The following MORC2 variants were observed in gnomAD, a reference collection of about 807,000 sequenced individuals.
MORC2 encodes ATPase MORC2.
MORC2 carries 30 observed loss-of-function variants against 136.0 expected under a neutral mutation model. The ratio of observed to expected loss-of-function variants is 0.22; its 90% CI spans 0.17 to 0.30. The LOEUF (loss-of-function observed/expected upper bound fraction) is 0.30, where lower values mean the gene tolerates loss of function less well. Among genes scored for constraint, MORC2 ranks in the 10% least tolerant of loss-of-function variants. The probability of loss-of-function intolerance (pLI) is 1.00; values close to 1 mark genes in which losing one functional copy is unlikely to be tolerated. For synonymous variants in MORC2, 439 were observed against 487.0 expected (o/e 0.90, Z 1.30); for missense variants, 922 against 1,333.1 (o/e 0.69, Z 4.80).
At chr22:30,929,314 A>C (rs1001689307) in intron 24 of MORC2, among the ~76,000 whole-genome samples, 1 of 152,236 alleles carries the variant, frequency 6.6e-6, no homozygotes, top group Non-Finnish European at 1.5e-5. Context: ...TTGTTACATT[A>C]GTTTTTTTGA....
rs767798376 is a variant in MORC2 at position 30,937,610 on chromosome 22, T to C, written c.1471A>G (p.Met491Val). ...SELRYKRRRA[M>V]EIPTTIQCDL... ...CACTGGATGGTGGTGGGGATTTCCA[T>C]AGCTCTCCGGCGTTTGTAACGCAGC... Residue 491 changes from methionine (M) to valine (V), a missense_variant, in exon 15 of 26, where the codon ATG becomes GTG. Transcript: ENST00000397641. The surrounding 1 kb of genome is among the most constrained non-coding windows in gnomAD (Gnocchi z 4.7). 1.2e-6 allele frequency: 2 copies of C among 1,613,240 alleles called. No homozygotes were observed. The highest frequency in any genetic ancestry group is 1.7e-6 in the Non-Finnish European group (2 of 1,180,014).
chr22:30,948,539 T>C (rs2040849162), intron 5 of MORC2, among the ~76,000 whole-genome samples: 1 of 152,202 alleles, frequency 6.6e-6, no homozygotes, highest in South Asian at 2.1e-4. Context: ...CTTAACCTAC[T>C]TGGTATGCAT....
chr22:30,953,550 G>A (rs1001656025), intron 3 of MORC2, among the ~76,000 whole-genome samples: 1 of 152,216 alleles, frequency 6.6e-6, no homozygotes, highest in African/African-American at 2.4e-5. Context: ...GGTGTCCCCA[G>A]GAGAGGCTGC....
chr22:30,949,100 AAAGGTATGTACAGCTGGAAGTGAGCAT>A (rs2040855642), intron 5 of MORC2, among the ~76,000 whole-genome samples: 1 of 152,218 alleles, frequency 6.6e-6, no homozygotes. Flanking sequence ...TATTCCATCC[AAAGGTATGTACAGCTGGAAGTGAGCAT>A]TTCAGAAATA....
intron 9 of MORC2, 74 bp from the exon 10 acceptor site, chr22:30,940,911 C>G (rs2040734113): frequency 4.8e-6 from 6 of 1,239,152 alleles, no homozygotes; most frequent in Non-Finnish European, 7.2e-6. Flanking sequence ...ACAGGAAGCA[C>G]CCTGCCTTCC....
chr22:30,928,233 A>T lies in MORC2; in HGVS notation c.2842-26T>A, dbSNP rs778483468. 6 of 1,613,214 alleles carry T rather than the reference A, an allele frequency of 3.7e-6. No homozygotes were observed. In the East Asian group the frequency reaches 6.7e-5, roughly 18 times the overall value. ...CTGTTGGGAGCAGAGCAAGAGGGAG[A>T]GTGTGTAAGTTCACAGGGGTCCCCA... On this transcript the variant is annotated intron_variant, in intron 24 of 25. Coordinates refer to ENST00000397641, the MANE Select transcript of MORC2 (RefSeq NM_001303256.3).
In MORC2 at chr22:30,944,231, C is replaced by T. The variant is rs529590931; in HGVS notation, c.427-1960G>A. On this transcript the variant is annotated intron_variant, in intron 6 of 25. Transcript: ENST00000397641. ...CACCAAGTAAGGAAAAAATCTCAACCTAGCCTCTCCACCACGGGAACCGAG... is the reference window on the plus strand; with the variant it reads ...CACCAAGTAAGGAAAAAATCTCAACTTAGCCTCTCCACCACGGGAACCGAG... Among the ~76,000 whole-genome samples, 76 of 152,308 alleles carry T rather than the reference C, an allele frequency of 5.0e-4. 3 individuals carry two copies. The South Asian group carries it at 0.015, about 31-fold the overall frequency.
In MORC2 at chr22:30,942,287, G is replaced by C; in HGVS notation, c.427-16C>G. On this transcript the variant is annotated splice_polypyrimidine_tract_variant and intron_variant, in intron 6 of 25. Coordinates refer to ENST00000397641, the MANE Select transcript of MORC2 (RefSeq NM_001303256.3). ...GGACTATCACCTGTGGAGTAAACAT[G>C]AGCAGGCACTTTAAGGGAAGCCCCA... 1.9e-6 allele frequency: 3 copies of C among 1,600,216 alleles called. No homozygotes were observed. Among genetic ancestry groups the C allele is most frequent in the Non-Finnish European group, 2.6e-6 (3 of 1,175,344 alleles).
intron 1 of MORC2, chr22:30,967,156 A>G (rs1306065619): frequency 1.0e-6 from 1 of 985,328 alleles, no homozygotes; most frequent in Non-Finnish European, 1.2e-6. Flanking sequence ...TATGGATTAA[A>G]CCTGAAACAT....
rs1278669854 is a variant in MORC2, at chr22:30,941,639, C to T, written c.699-81G>A. 2.0e-6 allele frequency: 3 copies of T among 1,536,538 alleles called. No individual in the cohort carries two copies. The highest frequency in any genetic ancestry group is 2.6e-6 in the Non-Finnish European group (3 of 1,133,348). On this transcript the variant is annotated intron_variant, in intron 8 of 25. Coordinates refer to ENST00000397641, the MANE Select transcript of MORC2 (RefSeq NM_001303256.3). The surrounding 1 kb of genome is among the most constrained non-coding windows in gnomAD (Gnocchi z 4.6). ...AAGGGCACAACATCCTCTCTGCAGG[C>T]TCTCCACCTTTCCATGTTAGGTACT...
In MORC2 at chr22:30,956,470, G is replaced by A. The variant is rs79393054; in HGVS notation, c.157+293C>T. 6.2e-3 allele frequency among the ~76,000 whole-genome samples: 945 copies of A among 152,244 alleles called. 4 individuals are homozygous for A. Among genetic ancestry groups the A allele is most frequent in the Middle Eastern group, 0.014 (4 of 294 alleles). ...TAACGCCTACCAGTAAAATAACTTG[G>A]TCATTTCACTCTCTACTGTTCCACT... On this transcript the variant is annotated intron_variant, in intron 3 of 25. Transcript: ENST00000397641.
Position 30,967,952 on chromosome 22 carries a change from C to T in MORC2, c.-63G>A, listed in dbSNP as rs1186505472. The T allele has an allele frequency of 5.1e-6, 7 of 1,362,344 alleles. No homozygotes were observed. The highest frequency in any genetic ancestry group is 2.9e-5 in the African/African-American group (2 of 69,054). The allele number at this position is 1,362,344 out of a possible 1,614,324, so 84.4% of individuals were successfully genotyped here. On this transcript the variant is annotated 5_prime_UTR_variant, in exon 1 of 26. Transcript: ENST00000397641. ...GGGAAATATAACCTTATAATGATAT[C>T]GATTTCCCAGGATTCTGTCCAGTAA...
chr22:30,942,566 T>G (rs1252397959), intron 6 of MORC2, among the ~76,000 whole-genome samples: 1 of 152,224 alleles, frequency 6.6e-6, no homozygotes, highest in Non-Finnish European at 1.5e-5. Context: ...TGGTAAAAAT[T>G]CTACTCTTAC....
chr22:30,953,307 G>C (rs2040917956), intron 3 of MORC2, among the ~76,000 whole-genome samples: 2 of 152,182 alleles, frequency 1.3e-5, no homozygotes, highest in African/African-American at 4.8e-5. Context: ...GTAAGAGAAG[G>C]CAAAGCCGAA....
At chr22:30,942,374 C>T (rs1448444226) in intron 6 of MORC2, 103 bp from the exon 7 acceptor site, 1 of 1,322,970 alleles carries the variant, frequency 7.6e-7, no homozygotes, top group East Asian at 2.3e-5. Flanking sequence ...TCCACACTGC[C>T]CTGTAGGTGA....
rs1407971807 is a variant in MORC2, at chr22:30,936,995, G to A, written c.1541C>T (p.Ser514Phe). Residue 514 changes from serine (S) to phenylalanine (F), a missense_variant, in exon 16 of 26, where the codon TCT becomes TTT. Transcript: ENST00000397641. ...GGTGTCAGGGTAATCTTTTTCCACA[G>A]AACTCAGCTGGAAGGGGAGGGTTCT... ...KWRTLPFQLSSVEKDYPDTWV... is the reference protein window; with the variant it reads ...KWRTLPFQLSFVEKDYPDTWV... 6.2e-7 allele frequency: 1 copy of A among 1,614,010 alleles called. No individual in the cohort carries two copies. The highest frequency in any genetic ancestry group is 1.1e-5 in the South Asian group (1 of 91,078).
At chr22:30,950,337 G>GCGGGGGGGGGGGGGGGGGC in intron 4 of MORC2, 40 bp downstream of exon 4, 1 of 761,768 alleles carries the variant, frequency 1.3e-6, no homozygotes, top group Non-Finnish European at 2.3e-6. Context: ...TGGTTACATC[G>GCGGGGGGGGGGGGGGGGGC]CACCCCCCCA....
rs1156607737 is a variant in MORC2 at position 30,937,096 on chromosome 22, C to T, written c.1499-59G>A. 2.0e-5 allele frequency: 26 copies of T among 1,305,596 alleles called. No individual in the cohort carries two copies. The highest frequency in any genetic ancestry group is 1.3e-4 in the South Asian group (11 of 82,248). 80.9% of individuals were successfully genotyped at this position (1,305,596 alleles called of 1,614,324 possible). A position where few individuals can be genotyped will look rare whatever the true frequency, so the allele number is the denominator to read the frequency against. ...ACGCCCACCAACTCTATCTGTAATC[C>T]GGGTTCCTCACAGGCCCACCACAAT... is the stretch of plus-strand genomic sequence containing the variant. On this transcript the variant is annotated intron_variant, in intron 15 of 25. Coordinates refer to ENST00000397641, the MANE Select transcript of MORC2 (RefSeq NM_001303256.3). This position sits in a 1 kb window ranked among gnomAD's most constrained non-coding sequence, Gnocchi z 4.7.
chr22:30,966,644 G>A (rs2041132803), intron 1 of MORC2, among the ~76,000 whole-genome samples: 1 of 152,074 alleles, frequency 6.6e-6, no homozygotes, highest in African/African-American at 2.4e-5. Flanking sequence ...TGGGCGTGGT[G>A]GTGCATGCCT....
Sources: gnomAD v4.1 joint callset for allele counts (sites outside exome capture counted in the v4.1 genomes callset) on GRCh38, gnomAD v4.1.1 for gene constraint, Gnocchi (gnomAD v3.1) non-coding constraint, MANE v1.5 for transcripts, NCBI Gene and HGNC (gene_info 2026-07-23, HGNC 2026-07-21) for gene names.